CALN1: variants seen among roughly 807,000 people sequenced by gnomAD.
CALN1 encodes the protein calneuron 1.
Under a neutral mutation model 30.6 loss-of-function variants are expected in CALN1, and 17 were observed. That is an observed-to-expected ratio of 0.56 (90% CI 0.38 to 0.83). The LOEUF is 0.83. Among genes scored for constraint, CALN1 ranks in the 40% least tolerant of loss-of-function variants. The pLI is 0.00. For synonymous variants in CALN1, 156 were observed against 131.4 expected, an observed-to-expected ratio of 1.19 and a Z score of -1.28; for missense variants, 291 against 354.9, an observed-to-expected ratio of 0.82 and a Z score of 1.45.
intron 5 of CALN1, among the ~76,000 whole-genome samples, chr7:71,854,168 C>T (rs1309037135): frequency 6.6e-6 from 1 of 151,964 alleles, no homozygotes; most frequent in East Asian, 1.9e-4. Context: ...TAGAAGAAAA[C>T]ACCCCAAACC....
chr7:72,336,262 G>A (rs1480627644), intron 2 of CALN1, among the ~76,000 whole-genome samples: 2 of 152,042 alleles, frequency 1.3e-5, no homozygotes, highest in African/African-American at 4.8e-5. Context: ...GCCGCCGGGC[G>A]CTCCCACCTG....
chr7:72,501,908 C>CAAAAAAAAAAAA, the CALN1 span, among the ~76,000 whole-genome samples: 14 of 24,734 alleles, frequency 5.7e-4, 1 homozygote, highest in East Asian at 8.2e-3. Context: ...GATTTCGTCT[C>CAAAAAAAAAAAA]AAAAAAAAAA....
At chr7:71,833,487 G>A (rs1789413268) in intron 5 of CALN1, among the ~76,000 whole-genome samples, 1 of 150,306 alleles carries the variant, frequency 6.7e-6, no homozygotes, top group African/African-American at 2.5e-5. Context: ...TGATTCTATA[G>A]AAGCATTAAA....
chr7:71,948,926 C>T (rs555619882), intron 5 of CALN1, among the ~76,000 whole-genome samples: 2 of 150,814 alleles, frequency 1.3e-5, no homozygotes, highest in Non-Finnish European at 3.0e-5. Flanking sequence ...GCCTGTAGTC[C>T]CAGTTACTTG....
intron 1 of CALN1, among the ~76,000 whole-genome samples, chr7:72,429,219 G>T (rs745797411): frequency 6.6e-6 from 1 of 152,182 alleles, no homozygotes; most frequent in East Asian, 1.9e-4. Context: ...AGTGGATTCA[G>T]ATATTGACAT....
At chr7:72,396,235 TAAAAAAAAAAAA>T (rs55683543) in intron 2 of CALN1, among the ~76,000 whole-genome samples, 1 of 53,344 alleles carries the variant, frequency 1.9e-5, no homozygotes, top group Non-Finnish European at 3.2e-5. Flanking sequence ...TTGTCTCTAC[TAAAAAAAAAAAA>T]AAAAAAAAAA....
At chr7:72,154,193 A>G (rs1034285517) in intron 3 of CALN1, among the ~76,000 whole-genome samples, 2 of 151,922 alleles carry the variant, frequency 1.3e-5, no homozygotes, top group African/African-American at 4.8e-5. Flanking sequence ...AGGGCCAGAC[A>G]AACTGCTTCT....
At chr7:72,369,381 G>C (rs1340474915) in intron 2 of CALN1, among the ~76,000 whole-genome samples, 1 of 94,472 alleles carries the variant, frequency 1.1e-5, no homozygotes, top group Non-Finnish European at 2.1e-5. Context: ...GTTTGTTTTT[G>C]AGATGGAGTT....
intron 2 of CALN1, among the ~76,000 whole-genome samples, chr7:72,342,344 T>A (rs1306070657): frequency 1.3e-5 from 2 of 152,098 alleles, no homozygotes; most frequent in Non-Finnish European, 2.9e-5. Flanking sequence ...TCCCCAGCTA[T>A]GACCATTTTG....
At position 71,971,206 on chromosome 7, in the gene CALN1, T is replaced by TGGGA. The variant is rs1204319063; in HGVS notation, c.501+52447_501+52450dup. On this transcript the variant is annotated intron_variant, in intron 5 of 6. Coordinates refer to ENST00000395275, the MANE Select transcript of CALN1 (RefSeq NM_031468.4). Reference sequence around the variant, plus strand: ...GCTCATGCCTGTAATCCCAGCGCTTTGGGAGGCCAAGGCGGGCAAATCACC... The same window carrying TGGGA: ...GCTCATGCCTGTAATCCCAGCGCTTTGGGAGGGAGGCCAAGGCGGGCAAATCACC... 2.0e-5 allele frequency among the ~76,000 whole-genome samples: 3 copies of TGGGA among 152,284 alleles called. No individual in the cohort carries two copies. In the East Asian group the frequency reaches 5.8e-4, roughly 29 times the overall value.
intron 3 of CALN1, among the ~76,000 whole-genome samples, chr7:72,204,755 G>A (rs1338201043): frequency 2.0e-5 from 3 of 152,118 alleles, no homozygotes; most frequent in African/African-American, 4.8e-5. Flanking sequence ...ATGGTAAACA[G>A]CATATATTTA....
intron 3 of CALN1, among the ~76,000 whole-genome samples, chr7:72,260,126 G>T: frequency 6.6e-6 from 1 of 152,208 alleles, no homozygotes; most frequent in East Asian, 1.9e-4. Flanking sequence ...TAGAGGCCAG[G>T]AGTGTGAGGC....
At chr7:71,847,419 G>A (rs1019756360) in intron 5 of CALN1, among the ~76,000 whole-genome samples, 2 of 152,032 alleles carry the variant, frequency 1.3e-5, no homozygotes, top group African/African-American at 4.8e-5. Flanking sequence ...GGAGGCCAAG[G>A]TGGGTGGATC....
the CALN1 span, among the ~76,000 whole-genome samples, chr7:72,452,481 C>T: frequency 1.3e-5 from 2 of 152,086 alleles, no homozygotes; most frequent in Non-Finnish European, 2.9e-5. Flanking sequence ...TGGCACCTTC[C>T]TCCTCCTTCT....
At chr7:72,484,332 A>G in the CALN1 span, among the ~76,000 whole-genome samples, 1 of 151,712 alleles carries the variant, frequency 6.6e-6, no homozygotes, top group Non-Finnish European at 1.5e-5. Flanking sequence ...TGATTTTAAG[A>G]TTTGTTAGGT....
intron 4 of CALN1, among the ~76,000 whole-genome samples, chr7:72,061,972 C>T (rs896926170): frequency 6.6e-6 from 1 of 152,046 alleles, no homozygotes; most frequent in East Asian, 1.9e-4. Context: ...GCATTACCAA[C>T]AGAAAGCAAT....
intron 5 of CALN1, among the ~76,000 whole-genome samples, chr7:72,014,409 T>G (rs1800265147): frequency 2.0e-5 from 3 of 152,124 alleles, no homozygotes; most frequent in African/African-American, 7.2e-5. Flanking sequence ...TTTATCTTGC[T>G]CCTGACAACT....
chr7:72,110,301 C>T (rs564392460), intron 3 of CALN1, among the ~76,000 whole-genome samples: 85 of 152,304 alleles, frequency 5.6e-4, no homozygotes, highest in Non-Finnish European at 1.1e-3. Flanking sequence ...AGCCTTTGGA[C>T]CTCCGAGTTG....
the CALN1 span, among the ~76,000 whole-genome samples, chr7:72,473,891 T>C: frequency 6.8e-6 from 1 of 147,330 alleles, no homozygotes; most frequent in South Asian, 2.1e-4. Flanking sequence ...ATCACACCAC[T>C]GCCCTCCAGC....
Sources: allele counts gnomAD v4.1 joint callset (sites outside exome capture counted in the v4.1 genomes callset), GRCh38; gene constraint gnomAD v4.1.1; transcripts MANE v1.5; gene names NCBI Gene and HGNC (gene_info 2026-07-23, HGNC 2026-07-21).